CREB3L2: variants seen among roughly 807,000 people sequenced by gnomAD.
CREB3L2 encodes the protein cAMP responsive element binding protein 3 like 2, also known as cyclic AMP-responsive element-binding protein 3-like protein 2.
Under a neutral mutation model 57.2 loss-of-function variants are expected in CREB3L2, and 23 were observed. That is an observed-to-expected ratio of 0.40 (90% CI 0.29 to 0.57). CREB3L2 has a LOEUF of 0.57. Ranked by LOEUF, CREB3L2 falls within the 20% of genes least tolerant of loss-of-function variation. The pLI is 0.42. For synonymous variants in CREB3L2, 268 were observed against 265.1 expected (o/e 1.01, Z -0.11); for missense variants, 628 against 634.7 (o/e 0.99, Z 0.11).
intron 8 of CREB3L2, among the ~76,000 whole-genome samples, chr7:137,897,789 G>C (rs1043078302): frequency 6.6e-6 from 1 of 152,148 alleles, no homozygotes; most frequent in African/African-American, 2.4e-5. Context: ...ATACACATAA[G>C]ATATTCCAAA....
In CREB3L2 at chr7:137,935,840, A is replaced by G. The variant is rs189812360; in HGVS notation, c.103-7474T>C. On this transcript the variant is annotated intron_variant, in intron 1 of 11. Transcript: ENST00000330387. The stretch of plus-strand genomic sequence containing the variant: ...TAAATTAGGAGAAATTTTTATCCTT[A>G]TAAGAATTACTTATTTTATAAAAAA... 161 of 183,112 alleles carry G rather than the reference A, an allele frequency of 8.8e-4. 1 individual carries two copies. Among genetic ancestry groups the G allele is most frequent in the African/African-American group, 3.1e-3 (131 of 42,130 alleles). 11.3% of individuals were successfully genotyped at this position (183,112 alleles called of 1,614,324 possible). A position where few individuals can be genotyped will look rare whatever the true frequency, so the allele number is the denominator to read the frequency against.
chr7:137,961,914 T>C (rs1254153760), intron 1 of CREB3L2, among the ~76,000 whole-genome samples: 1 of 152,040 alleles, frequency 6.6e-6, no homozygotes, highest in Non-Finnish European at 1.5e-5. Flanking sequence ...CCCCCTCACT[T>C]TTCTGAACCA....
chr7:137,956,426 C>T (rs1801212099), intron 1 of CREB3L2, among the ~76,000 whole-genome samples: 1 of 152,176 alleles, frequency 6.6e-6, no homozygotes, highest in African/African-American at 2.4e-5. Context: ...GACAGTAATA[C>T]CCGGGTTTCC....
chr7:137,889,996 A>G (rs762532073), intron 8 of CREB3L2, among the ~76,000 whole-genome samples: 1 of 152,146 alleles, frequency 6.6e-6, no homozygotes, highest in Non-Finnish European at 1.5e-5. Context: ...CTAATCAATA[A>G]CCTACTAAAA....
chr7:137,885,540 AGAG>A (rs776836483), intron 8 of CREB3L2, 38 bp from the exon 9 acceptor site: 1 of 1,510,850 alleles, frequency 6.6e-7, no homozygotes, highest in Non-Finnish European at 9.2e-7. Context: ...GGAGTCTGAC[AGAG>A]AAGAGATGCT....
intron 1 of CREB3L2, among the ~76,000 whole-genome samples, chr7:137,990,561 G>A (rs1241976935): frequency 1.3e-5 from 2 of 152,186 alleles, no homozygotes; most frequent in Non-Finnish European, 2.9e-5. Flanking sequence ...TCGAATTGGA[G>A]GAAGGACCAG....
At chr7:137,961,782 G>C (rs1459775412) in intron 1 of CREB3L2, among the ~76,000 whole-genome samples, 2 of 152,168 alleles carry the variant, frequency 1.3e-5, no homozygotes, top group Non-Finnish European at 2.9e-5. Flanking sequence ...TCTGCCCTTG[G>C]CAATTCTTCC....
chr7:137,884,059 G>A (rs187049032), intron 10 of CREB3L2, among the ~76,000 whole-genome samples: 39 of 152,320 alleles, frequency 2.6e-4, no homozygotes, highest in African/African-American at 9.1e-4. Flanking sequence ...AGGCTGGGGT[G>A]CAGTGGCACG....
intron 2 of CREB3L2, among the ~76,000 whole-genome samples, chr7:137,922,419 T>TAG (rs1563253307): frequency 9.9e-6 from 1 of 101,110 alleles, no homozygotes; most frequent in Admixed American, 9.2e-5. Flanking sequence ...TATATATGTA[T>TAG]ATATATATAT....
In CREB3L2 at chr7:138,001,660, G is replaced by C. The variant is rs182150690; in HGVS notation, c.46C>G (p.Arg16Gly). ...GGCTCTGACAGCTCGCTCAGCTTGC[G>C]GTCCCACTGCAGCACGCCCTGCTCC... ...SGEQGVLQWD[R>G]KLSELSEPGD... Residue 16 changes from arginine to glycine, a missense_variant, in exon 1 of 12, where the codon CGC becomes GGC. Around this residue, in one of 3 missense-constraint regions of CREB3L2, gnomAD observed 339 missense variants for 355.4 expected, o/e 0.95. Coordinates refer to ENST00000330387, the MANE Select transcript of CREB3L2 (RefSeq NM_194071.4). This position sits in a 1 kb window ranked among gnomAD's most constrained non-coding sequence, Gnocchi z 4.2. 1.2e-6 allele frequency: 2 copies of C among 1,613,172 alleles called. No individual in the cohort carries two copies. Among genetic ancestry groups the C allele is most frequent in the South Asian group, 2.2e-5 (2 of 91,038 alleles).
intron 1 of CREB3L2, among the ~76,000 whole-genome samples, chr7:137,940,670 C>T (rs1335802784): frequency 6.6e-6 from 1 of 152,182 alleles, no homozygotes; most frequent in Non-Finnish European, 1.5e-5. Context: ...TGCAATGGAA[C>T]AATTCTGCCT....
At chr7:137,895,313 C>T (rs917895620) in intron 8 of CREB3L2, among the ~76,000 whole-genome samples, 2 of 152,262 alleles carry the variant, frequency 1.3e-5, no homozygotes, top group African/African-American at 2.4e-5. Context: ...AGCAGCCACA[C>T]AGGCACTGCT....
At chr7:137,959,013 A>G (rs1801270113) in intron 1 of CREB3L2, among the ~76,000 whole-genome samples, 1 of 152,244 alleles carries the variant, frequency 6.6e-6, no homozygotes, top group African/African-American at 2.4e-5. Flanking sequence ...AAGTTACTAC[A>G]GTATGTGTGT....
intron 6 of CREB3L2, among the ~76,000 whole-genome samples, chr7:137,904,722 C>A (rs548887252): frequency 6.6e-6 from 1 of 151,604 alleles, no homozygotes; most frequent in South Asian, 2.1e-4. Flanking sequence ...GTCTGTGGTT[C>A]CAGATGCTTG....
intron 8 of CREB3L2, among the ~76,000 whole-genome samples, chr7:137,899,096 AGAAGGAAGGAAGGAAGGAAGGAAG>A (rs200596273): frequency 0.016 from 1,301 of 83,596 alleles, 60 homozygotes; most frequent in East Asian, 0.059. Context: ...AAAAGGAAAG[AGAAGGAAGGAAGGAAGGAAGGAAG>A]GAAGGAAGGA....
rs1015075895 is a variant in CREB3L2, at chr7:137,879,904, C to G, written c.*572G>C. The G allele has an allele frequency of 1.7e-5, 4 of 235,556 alleles. No individual in the cohort carries two copies. Among genetic ancestry groups the G allele is most frequent in the Admixed American group, 5.5e-5 (1 of 18,308 alleles). The allele number at this position is 235,556 out of a possible 1,614,324, so 14.6% of individuals were successfully genotyped here. ...TGCACTTGCGGCCTGAGAATATGAA[C>G]GAGAGCCCTCGCCTGCCAGTGCTGC... On this transcript the variant is annotated 3_prime_UTR_variant, in exon 12 of 12. Transcript: ENST00000330387.
chr7:137,984,214 T>A lies in CREB3L2; in HGVS notation c.102+17390A>T, dbSNP rs1801757878. Reference sequence around the variant, plus strand: ...GACACTGCTGCTTGACCACTCAATATCCATCCTACCCGTCTTCCTTACTAT... The same window carrying A: ...GACACTGCTGCTTGACCACTCAATAACCATCCTACCCGTCTTCCTTACTAT... On this transcript the variant is annotated intron_variant, in intron 1 of 11. Coordinates refer to ENST00000330387, the MANE Select transcript of CREB3L2 (RefSeq NM_194071.4). Among the ~76,000 whole-genome samples, 5 of 152,204 alleles carry A rather than the reference T, an allele frequency of 3.3e-5. No individual in the cohort carries two copies. In the South Asian group the frequency reaches 1.0e-3, roughly 32 times the overall value.
chr7:137,913,252 T>C (rs1800055040), intron 3 of CREB3L2, among the ~76,000 whole-genome samples, 174 bp from the exon 4 acceptor site: 1 of 152,164 alleles, frequency 6.6e-6, no homozygotes, highest in Non-Finnish European at 1.5e-5. Flanking sequence ...CTTAACCTTT[T>C]TCTCATTGCC....
intron 1 of CREB3L2, among the ~76,000 whole-genome samples, chr7:137,937,203 C>G (rs886268654): frequency 2.0e-5 from 3 of 152,210 alleles, no homozygotes; most frequent in African/African-American, 7.2e-5. Context: ...TTACCTAGAG[C>G]ACAGAATGCC....
Sources: gnomAD v4.1 joint callset for allele counts (sites outside exome capture counted in the v4.1 genomes callset) on GRCh38, gnomAD v4.1.1 for gene constraint, gnomAD v4.1.1 regional missense constraint, Gnocchi (gnomAD v3.1) non-coding constraint, MANE v1.5 for transcripts, NCBI Gene and HGNC (gene_info 2026-07-23, HGNC 2026-07-21) for gene names.